BICRAL: variants seen among roughly 807,000 people sequenced by gnomAD.
BICRAL encodes the protein BRD4-interacting chromatin-remodeling complex-associated protein-like.
In BICRAL, 8 loss-of-function variants were observed where a neutral mutation model predicts 91.8. The observed-to-expected ratio is 0.09, with a 90% CI of 0.05 to 0.16. The LOEUF is 0.16. Among genes scored for constraint, BICRAL ranks in the 10% least tolerant of loss-of-function variants. The pLI, the probability that BICRAL is intolerant of heterozygous loss-of-function variation, is 1.00. For synonymous variants in BICRAL, 445 were observed against 491.1 expected (o/e 0.91, Z 1.24); for missense variants, 1,038 against 1,310.9 (o/e 0.79, Z 3.21).
chr6:42,792,760 A>C (rs573931715), intron 1 of BICRAL, among the ~76,000 whole-genome samples: 1 of 151,976 alleles, frequency 6.6e-6, no homozygotes, highest in South Asian at 2.1e-4. Context: ...TAAAAATACA[A>C]AAATTAGCCA....
At chr6:42,762,528 G>A (rs1762566925) in intron 1 of BICRAL, among the ~76,000 whole-genome samples, 1 of 152,142 alleles carries the variant, frequency 6.6e-6, no homozygotes, top group Non-Finnish European at 1.5e-5. Context: ...AATATTAGTG[G>A]TATATGAGGT....
chr6:42,752,729 T>C (rs1297873865), intron 1 of BICRAL, among the ~76,000 whole-genome samples: 1 of 151,790 alleles, frequency 6.6e-6, no homozygotes, highest in Non-Finnish European at 1.5e-5. Context: ...CCAGCCTCCT[T>C]AGTAGCTGGG....
In BICRAL at chr6:42,830,043, G is replaced by A. The variant is rs1330039677; in HGVS notation, c.1710G>A (p.Gln570=). 6.2e-7 allele frequency: 1 copy of A among 1,614,158 alleles called. No homozygotes were observed. Among genetic ancestry groups the A allele is most frequent in the Non-Finnish European group, 8.5e-7 (1 of 1,180,046 alleles). Reference sequence around the variant, plus strand: ...CAGGATCAAACTTTACAGGAGATCAGCTGACCCAGCCAAACAGGACTCCAG... The same window carrying A: ...CAGGATCAAACTTTACAGGAGATCAACTGACCCAGCCAAACAGGACTCCAG... ...GSSGSNFTGD[Q]LTQPNRTPVP... The change falls in exon 6 of 13, where the codon CAG becomes CAA. Residue 570 remains glutamine, a synonymous_variant. Transcript: ENST00000314073.
At chr6:42,751,654 CTTTTTT>C (rs1190737893) in intron 1 of BICRAL, among the ~76,000 whole-genome samples, 37 of 116,574 alleles carry the variant, frequency 3.2e-4, no homozygotes, top group Middle Eastern at 5.0e-3. Context: ...TCTTTCTTTT[CTTTTTT>C]TTTTTTTTTT....
intron 1 of BICRAL, among the ~76,000 whole-genome samples, chr6:42,804,059 G>A (rs900282985): frequency 4.6e-5 from 7 of 152,214 alleles, no homozygotes; most frequent in Non-Finnish European, 8.8e-5. Context: ...TTTCGCTCTT[G>A]TTGCCCAGGC....
intron 1 of BICRAL, among the ~76,000 whole-genome samples, chr6:42,788,834 G>A (rs888025866): frequency 6.6e-6 from 1 of 152,172 alleles, no homozygotes; most frequent in Non-Finnish European, 1.5e-5. Flanking sequence ...TGAATCCCTT[G>A]CCGTGGCTTG....
intron 1 of BICRAL, among the ~76,000 whole-genome samples, chr6:42,764,945 G>C (rs1001937242): frequency 6.6e-6 from 1 of 152,076 alleles, no homozygotes; most frequent in South Asian, 2.1e-4. Flanking sequence ...AGGCATGAGC[G>C]ACCACGCCCG....
intron 1 of BICRAL, among the ~76,000 whole-genome samples, chr6:42,804,825 G>A (rs764506912): frequency 1.9e-4 from 29 of 152,268 alleles, no homozygotes; most frequent in Admixed American, 1.1e-3. Flanking sequence ...TGTCTCATCA[G>A]CACTCTCATA....
At chr6:42,758,251 C>A (rs919080964) in intron 1 of BICRAL, among the ~76,000 whole-genome samples, 1 of 152,180 alleles carries the variant, frequency 6.6e-6, no homozygotes, top group Admixed American at 6.6e-5. Flanking sequence ...TATACCGTAG[C>A]CAGTTATTGC....
chr6:42,781,771 G>C (rs1018844580), upstream of BICRAL: 4 of 139,070 alleles, frequency 2.9e-5, no homozygotes, highest in Middle Eastern at 3.6e-3. Flanking sequence ...CTTGCAGCTT[G>C]ATTTTCCAAA....
At chr6:42,827,785 C>T (rs961388445) in intron 5 of BICRAL, among the ~76,000 whole-genome samples, 8 of 151,942 alleles carry the variant, frequency 5.3e-5, no homozygotes, top group African/African-American at 1.7e-4. Flanking sequence ...CTCAGGAGGC[C>T]GAGATGGGAG....
intron 6 of BICRAL, among the ~76,000 whole-genome samples, chr6:42,843,717 A>G (rs1336878555): frequency 6.6e-6 from 1 of 152,156 alleles, no homozygotes; most frequent in African/African-American, 2.4e-5. Flanking sequence ...GGACAGCCAA[A>G]TTATATGATA....
intron 1 of BICRAL, among the ~76,000 whole-genome samples, chr6:42,793,081 A>G (rs1763320139): frequency 7.2e-6 from 1 of 139,026 alleles, no homozygotes; most frequent in African/African-American, 2.7e-5. Context: ...CAGCCTCCCC[A>G]GTAGCTAGGA....
chr6:42,811,578 G>A (rs56150020), intron 2 of BICRAL, among the ~76,000 whole-genome samples: 11,916 of 150,144 alleles, frequency 0.079, 494 homozygotes, highest in Non-Finnish European at 0.09. Context: ...CTGAGATTGC[G>A]CCACTGCACT....
intron 1 of BICRAL, among the ~76,000 whole-genome samples, chr6:42,768,262 C>T (rs1415128798): frequency 2.0e-5 from 3 of 152,128 alleles, no homozygotes; most frequent in South Asian, 2.1e-4. Context: ...GTCAGCTGGC[C>T]GGAACACTAC....
In BICRAL at chr6:42,788,222, CTTTT is replaced by C. The variant is rs11304715; in HGVS notation, c.-102+6138_-102+6141del. ...CCAAGACTACCAAGGGAGCAGCATT[CTTTT>C]TTTTTTTTTTTTTTTTGGAGACAGT... is the stretch of plus-strand genomic sequence containing the variant. On this transcript the variant is annotated intron_variant, in intron 1 of 12. Transcript: ENST00000314073. 6.2e-5 allele frequency among the ~76,000 whole-genome samples: 7 copies of C among 113,350 alleles called. No individual in the cohort carries two copies. The South Asian group carries it at 8.7e-4, about 14-fold the overall frequency. 74.4% of individuals were successfully genotyped at this position (113,350 alleles called of 152,430 possible).
At chr6:42,782,644 TGGGGAGGGGA>T (rs1298492474) in intron 1 of BICRAL, among the ~76,000 whole-genome samples, 29 of 36,354 alleles carry the variant, frequency 8.0e-4, no homozygotes, top group African/African-American at 2.7e-3. Context: ...CGGTTGGTGG[TGGGGAGGGGA>T]GGGGAGGGAA....
chr6:42,841,934 C>T (rs1006140641), intron 6 of BICRAL, among the ~76,000 whole-genome samples: 3 of 152,156 alleles, frequency 2.0e-5, no homozygotes, highest in African/African-American at 7.2e-5. Context: ...ATCCATACCC[C>T]AAGGTAGGCT....
intron 10 of BICRAL, among the ~76,000 whole-genome samples, chr6:42,857,614 A>AAAAAAAAAAAAAATAT: frequency 1.0e-5 from 1 of 96,242 alleles, no homozygotes; most frequent in African/African-American, 6.5e-5. Flanking sequence ...AAAAAAAAAA[A>AAAAAAAAAAAAAATAT]ATATATATAT....
Sources: gnomAD v4.1 joint callset for allele counts (sites outside exome capture counted in the v4.1 genomes callset) on GRCh38, gnomAD v4.1.1 for gene constraint, MANE v1.5 for transcripts, NCBI Gene and HGNC (gene_info 2026-07-23, HGNC 2026-07-21) for gene names.